Variants in OTOG observed in about 807,000 individuals in gnomAD.
The protein encoded by OTOG is otogelin.
A neutral mutation model predicts 313.8 loss-of-function variants in OTOG; 296 were observed. The observed-to-expected ratio is 0.94, with a 90% CI of 0.86 to 1.04. The LOEUF is 1.04. Among genes scored for constraint, OTOG ranks in the 50% least tolerant of loss-of-function variants. The pLI is 0.00. For missense variants in OTOG, 3,948 were observed against 3,840.1 expected, an observed-to-expected ratio of 1.03 and a Z score of -0.74; for synonymous variants, 1,533 against 1,554.9, an observed-to-expected ratio of 0.99 and a Z score of 0.33.
chr11:17,625,672 T>A (rs978226993), intron 39 of OTOG, among the ~76,000 whole-genome samples: 1 of 152,228 alleles, frequency 6.6e-6, no homozygotes, highest in Non-Finnish European at 1.5e-5. Context: ...TATAGAGTTG[T>A]TTGAGGTCCT....
chr11:17,632,980 A>G (rs934092989), intron 42 of OTOG, among the ~76,000 whole-genome samples: 1 of 152,226 alleles, frequency 6.6e-6, no homozygotes, highest in East Asian at 1.9e-4. Flanking sequence ...TAGAATAGAA[A>G]ATACCAGTGT....
intron 36 of OTOG, 99 bp from the exon 37 acceptor site, chr11:17,612,063 C>T: frequency 7.1e-7 from 1 of 1,410,686 alleles, no homozygotes; most frequent in African/African-American, 1.4e-5. Flanking sequence ...CCCTGCCCCG[C>T]TAGGACCTAC....
chr11:17,556,010 A>G (rs1852051330), intron 7 of OTOG, 113 bp downstream of exon 7: 3 of 799,910 alleles, frequency 3.8e-6, no homozygotes, highest in Non-Finnish European at 6.0e-6. Context: ...GGGGACAAAC[A>G]GCAATTTCCA....
intron 54 of OTOG, among the ~76,000 whole-genome samples, chr11:17,644,213 G>A (rs1207501977): frequency 3.3e-5 from 5 of 152,242 alleles, no homozygotes; most frequent in African/African-American, 9.6e-5. Flanking sequence ...CCAATGCCTC[G>A]GACTGCCACT....
intron 39 of OTOG, among the ~76,000 whole-genome samples, chr11:17,616,019 C>G (rs1853710185): frequency 6.6e-6 from 1 of 152,034 alleles, no homozygotes; most frequent in African/African-American, 2.4e-5. Context: ...TCTTGATTAC[C>G]ATTACTTATT....
At chr11:17,642,088 C>T in intron 52 of OTOG, 39 bp from the exon 53 acceptor site, 1 of 1,521,036 alleles carries the variant, frequency 6.6e-7, no homozygotes, top group South Asian at 1.3e-5. Context: ...GGCTGTCCAT[C>T]TGGCCACAGC....
intron 50 of OTOG, 22 bp from the exon 51 acceptor site, chr11:17,640,891 G>T: frequency 6.5e-7 from 1 of 1,548,918 alleles, no homozygotes; most frequent in Non-Finnish European, 8.7e-7. Flanking sequence ...GATGACTGTT[G>T]CCGCCCTGCA....
intron 23 of OTOG, among the ~76,000 whole-genome samples, chr11:17,583,610 G>T (rs1203935008): frequency 2.6e-5 from 4 of 152,022 alleles, no homozygotes; most frequent in African/African-American, 9.7e-5. Context: ...TGGCATTTTT[G>T]TGAAAAATTA....
At chr11:17,548,531 G>A (rs7945214) in intron 3 of OTOG, among the ~76,000 whole-genome samples, 37,315 of 147,430 alleles carry the variant, frequency 0.25, 5,031 homozygotes, top group Middle Eastern at 0.49. Flanking sequence ...TAGAAAGATG[G>A]ACGTTTAGAA....
At chr11:17,570,588 C>A in intron 17 of OTOG, 198 bp downstream of exon 17, 1 of 561,312 alleles carries the variant, frequency 1.8e-6, no homozygotes, top group Non-Finnish European at 3.1e-6. Flanking sequence ...TGTGTGGAAT[C>A]ACCTCAGGAG....
At chr11:17,628,142 T>A (rs1375226017) in intron 39 of OTOG, among the ~76,000 whole-genome samples, 1 of 152,152 alleles carries the variant, frequency 6.6e-6, no homozygotes, top group Non-Finnish European at 1.5e-5. Flanking sequence ...TTCTTTAAGA[T>A]ACATTGTTAG....
chr11:17,612,380 C>T (rs1219640981), intron 37 of OTOG, 50 bp downstream of exon 37: 10 of 1,479,550 alleles, frequency 6.8e-6, no homozygotes, highest in Admixed American at 4.2e-5. Context: ...GTATCCTTAC[C>T]CCAGCATGAC....
At chr11:17,567,131 G>A (rs1306297531) in intron 15 of OTOG, among the ~76,000 whole-genome samples, 1 of 152,224 alleles carries the variant, frequency 6.6e-6, no homozygotes, top group Non-Finnish European at 1.5e-5. Context: ...AGGTCTCATA[G>A]CTTTCAGTTA....
At chr11:17,602,118 T>G in intron 31 of OTOG, 92 bp from the exon 32 acceptor site, 2 of 1,426,724 alleles carry the variant, frequency 1.4e-6, no homozygotes, top group Non-Finnish European at 1.9e-6. Flanking sequence ...TAGCTTGCCC[T>G]CCCACCCCAC....
intron 22 of OTOG, among the ~76,000 whole-genome samples, chr11:17,578,066 A>G (rs1014207723): frequency 1.3e-5 from 2 of 152,188 alleles, no homozygotes; most frequent in African/African-American, 2.4e-5. Context: ...AATGGGGGAC[A>G]ATAATACTTC....
intron 3 of OTOG, among the ~76,000 whole-genome samples, chr11:17,551,034 G>A (rs1851919699): frequency 6.6e-6 from 1 of 152,166 alleles, no homozygotes; most frequent in African/African-American, 2.4e-5. Context: ...GCTGACATGT[G>A]AGGTAAATAC....
chr11:17,645,372 T>C (rs890132288), intron 54 of OTOG, among the ~76,000 whole-genome samples, 192 bp from the exon 55 acceptor site: 2 of 152,186 alleles, frequency 1.3e-5, no homozygotes, highest in Admixed American at 6.5e-5. Context: ...GTTTCTGCCT[T>C]CCTGACTCCG....
rs908734359 is a variant in OTOG, at chr11:17,576,596, C to T, written c.2527C>T (p.Pro843Ser). The change falls in exon 21 of 56, where the codon CCC becomes TCC. Residue 843 changes from proline to serine, a missense_variant. Physicochemically the swap from Pro to Ser is moderately conservative, Grantham distance 74 (BLOSUM62 -1). Coordinates refer to ENST00000399397, the MANE Select transcript of OTOG (RefSeq NM_001292063.2). ...SCHFQGVDYP[P>S]GDSDIPSLGH... ...CCACTTCCAGGGAGTGGACTATCCC[C>T]CCGGAGACAGTGACATCCCATCCCT... is the stretch of plus-strand genomic sequence containing the variant. 1.2e-5 allele frequency: 19 copies of T among 1,550,574 alleles called. No homozygotes were observed. Among genetic ancestry groups the T allele is most frequent in the Non-Finnish European group, 1.7e-5 (19 of 1,146,942 alleles).
chr11:17,603,646 G>A (rs150332124), intron 32 of OTOG, among the ~76,000 whole-genome samples: 311 of 152,286 alleles, frequency 2.0e-3, no homozygotes, highest in Non-Finnish European at 3.8e-3. Flanking sequence ...CTGTGCCCAG[G>A]GTCCTGGGCA....
Sources: gnomAD v4.1 joint callset for allele counts (sites outside exome capture counted in the v4.1 genomes callset) on GRCh38, gnomAD v4.1.1 for gene constraint, MANE v1.5 for transcripts, NCBI Gene and HGNC (gene_info 2026-07-23, HGNC 2026-07-21) for gene names.